The following LPP variants were observed in gnomAD, a reference collection of about 807,000 sequenced individuals.
The protein encoded by LPP is lipoma-preferred partner.
Under a neutral mutation model 60.4 loss-of-function variants are expected in LPP, and 38 were observed. The ratio of observed to expected loss-of-function variants is 0.63; its 90% CI spans 0.49 to 0.83. The LOEUF (loss-of-function observed/expected upper bound fraction) is 0.83. LPP is among the 40% of genes least tolerant of loss of function. The pLI, the probability that LPP is intolerant of heterozygous loss-of-function variation, is 0.00. For synonymous variants in LPP, 328 were observed against 290.8 expected, an observed-to-expected ratio of 1.13 and a Z score of -1.30; for missense variants, 902 against 783.6, an observed-to-expected ratio of 1.15 and a Z score of -1.80.
chr3:188,379,807 C>G (rs1383395236), intron 3 of LPP, among the ~76,000 whole-genome samples: 1 of 152,130 alleles, frequency 6.6e-6, no homozygotes, highest in Non-Finnish European at 1.5e-5. Flanking sequence ...AAGTTTACCC[C>G]AAAATGATGC....
rs566045087 is a variant in LPP at position 188,789,991 on chromosome 3, C to T, written c.1410+29709C>T. Among the ~76,000 whole-genome samples, 95 of 152,242 alleles carry T rather than the reference C, an allele frequency of 6.2e-4. 1 individual carries two copies. Among genetic ancestry groups the T allele is most frequent in the East Asian group, 2.1e-3 (11 of 5,170 alleles). ...ACAAATTAATACAACCTTTTCGAAA[C>T]AAAATTTAGCACTATCTTTCAAAAT... On this transcript the variant is annotated intron_variant, in intron 9 of 11. Coordinates refer to ENST00000617246, the MANE Select transcript of LPP (RefSeq NM_001375462.1).
intron 2 of LPP, among the ~76,000 whole-genome samples, chr3:188,298,730 G>A (rs908687696): frequency 6.6e-6 from 1 of 152,206 alleles, no homozygotes; most frequent in Admixed American, 6.5e-5. Flanking sequence ...AAAGGGTGTG[G>A]TCTCAGCTGG....
chr3:188,578,393 G>A (rs917885102), intron 6 of LPP, among the ~76,000 whole-genome samples: 5 of 152,034 alleles, frequency 3.3e-5, no homozygotes, highest in African/African-American at 1.2e-4. Flanking sequence ...TTCTCCAGAT[G>A]GCTGTGGCTA....
At chr3:188,227,763 A>G (rs1718359546) in intron 2 of LPP, among the ~76,000 whole-genome samples, 1 of 152,136 alleles carries the variant, frequency 6.6e-6, no homozygotes, top group Admixed American at 6.5e-5. Flanking sequence ...CCCAAACTAT[A>G]GATATCCCTG....
intron 5 of LPP, among the ~76,000 whole-genome samples, chr3:188,505,382 C>G (rs1378163015): frequency 6.6e-6 from 1 of 152,156 alleles, no homozygotes; most frequent in Non-Finnish European, 1.5e-5. Context: ...AATTTAGGTT[C>G]CCACTCAGAG....
At chr3:188,577,535 A>G (rs1225039834) in intron 6 of LPP, among the ~76,000 whole-genome samples, 1 of 151,328 alleles carries the variant, frequency 6.6e-6, no homozygotes, top group Non-Finnish European at 1.5e-5. Context: ...TGTTTTACAT[A>G]CAGTAATTAA....
intron 3 of LPP, among the ~76,000 whole-genome samples, chr3:188,358,908 C>T (rs1768405656): frequency 6.6e-6 from 1 of 152,126 alleles, no homozygotes; most frequent in African/African-American, 2.4e-5. Context: ...CCACACGAGT[C>T]TGGAAAATGC....
chr3:188,395,397 AATT>A (rs1389551592), intron 3 of LPP, among the ~76,000 whole-genome samples: 5 of 151,358 alleles, frequency 3.3e-5, no homozygotes, highest in African/African-American at 1.2e-4. Context: ...GTTTTTTAGA[AATT>A]ATTATTATTT....
intron 2 of LPP, among the ~76,000 whole-genome samples, chr3:188,279,395 CT>C (rs1402256118): frequency 6.6e-6 from 1 of 152,202 alleles, no homozygotes; most frequent in Admixed American, 6.5e-5. Flanking sequence ...CTTTGGACTC[CT>C]TCTCTGGAAC....
At chr3:188,755,194 C>G (rs746557565) in intron 8 of LPP, among the ~76,000 whole-genome samples, 9 of 152,144 alleles carry the variant, frequency 5.9e-5, no homozygotes, top group Non-Finnish European at 1.2e-4. Flanking sequence ...CTTAAAATGT[C>G]TATTATAATT....
chr3:188,462,752 A>C (rs1189131125), intron 4 of LPP, among the ~76,000 whole-genome samples: 11 of 151,620 alleles, frequency 7.3e-5, no homozygotes, highest in African/African-American at 2.7e-4. Flanking sequence ...ATTTTGGTCA[A>C]AGGTGAGGCT....
At chr3:188,759,833 C>T (rs764363686) in intron 8 of LPP, among the ~76,000 whole-genome samples, 14 of 152,260 alleles carry the variant, frequency 9.2e-5, no homozygotes, top group South Asian at 2.1e-4. Flanking sequence ...TCAAAGCCAG[C>T]GACCGGGTTC....
chr3:188,489,139 A>G (rs1169200097), intron 5 of LPP, among the ~76,000 whole-genome samples: 1 of 152,200 alleles, frequency 6.6e-6, no homozygotes, highest in Non-Finnish European at 1.5e-5. Flanking sequence ...ATTTTTTCCT[A>G]CATAACAAAA....
At chr3:188,216,756 CATTT>C (rs1347562575) in intron 1 of LPP, among the ~76,000 whole-genome samples, 1 of 152,196 alleles carries the variant, frequency 6.6e-6, no homozygotes, top group African/African-American at 2.4e-5. Context: ...CTATTATCCC[CATTT>C]TACTTTTGAG....
Position 188,497,891 on chromosome 3 carries a change from C to T in LPP, c.306+13187C>T, listed in dbSNP as rs375058758. Among the ~76,000 whole-genome samples, 115 of 152,208 alleles carry T rather than the reference C, an allele frequency of 7.6e-4. 4 individuals carry two copies. The South Asian group carries it at 0.021, about 28-fold the overall frequency. On this transcript the variant is annotated intron_variant, in intron 5 of 11. Coordinates refer to ENST00000617246, the MANE Select transcript of LPP (RefSeq NM_001375462.1). Reference sequence around the variant, plus strand: ...GGGGATAGAAACCAGTTTTGGGCCACGGCAACTATATAGAAGTATTTTCAT... The same window carrying T: ...GGGGATAGAAACCAGTTTTGGGCCATGGCAACTATATAGAAGTATTTTCAT...
rs1170789121 is a variant in LPP, at chr3:188,755,856, A to C, written c.1241-4257A>C. On this transcript the variant is annotated intron_variant, in intron 8 of 11. Coordinates refer to ENST00000617246, the MANE Select transcript of LPP (RefSeq NM_001375462.1). ...AAAAAAAAAAAAAAAAAAAAAAAAAAAAAAAAAAACAAAGAAAAGAAAACC... is the reference window on the plus strand; with the variant it reads ...AAAAAAAAAAAAAAAAAAAAAAAAACAAAAAAAAACAAAGAAAAGAAAACC... Among the ~76,000 whole-genome samples the C allele has an allele frequency of 7.6e-4, 79 of 104,474 alleles. 1 individual carries two copies. The highest frequency in any genetic ancestry group is 2.6e-3 in the African/African-American group (75 of 29,128). 68.5% of individuals were successfully genotyped at this position (104,474 alleles called of 152,430 possible).
chr3:188,555,941 T>C (rs770529847), intron 6 of LPP, among the ~76,000 whole-genome samples: 11 of 151,906 alleles, frequency 7.2e-5, no homozygotes, highest in Admixed American at 1.3e-4. Context: ...ATGGAGAAAA[T>C]AGAGGAACTA....
intron 5 of LPP, among the ~76,000 whole-genome samples, chr3:188,487,738 AGCAT>A (rs1807004780): frequency 6.6e-6 from 1 of 152,226 alleles, no homozygotes; most frequent in South Asian, 2.1e-4. Flanking sequence ...AGCCTAAAGT[AGCAT>A]GATCACTGGA....
At chr3:188,860,968 G>A (rs1027847056) in intron 9 of LPP, among the ~76,000 whole-genome samples, 2 of 152,102 alleles carry the variant, frequency 1.3e-5, no homozygotes, top group African/African-American at 4.8e-5. Context: ...AGAATTAGGA[G>A]ACCTTTATTG....
Sources: allele counts gnomAD v4.1 joint callset (sites outside exome capture counted in the v4.1 genomes callset), GRCh38; gene constraint gnomAD v4.1.1; transcripts MANE v1.5; gene names NCBI Gene and HGNC (gene_info 2026-07-23, HGNC 2026-07-21).